Variants in KCNH1 observed in about 807,000 individuals in gnomAD.
KCNH1 encodes the protein voltage-gated delayed rectifier potassium channel KCNH1.
In KCNH1, 27 loss-of-function variants were observed where a neutral mutation model predicts 69.2. That is an observed-to-expected ratio of 0.39 (90% confidence interval 0.29 to 0.54). The LOEUF (loss-of-function observed/expected upper bound fraction) is 0.54. Ranked by LOEUF, KCNH1 falls within the 20% of genes least tolerant of loss-of-function variation. KCNH1 has a pLI of 0.68. For synonymous variants in KCNH1, 456 were observed against 487.7 expected, an observed-to-expected ratio of 0.93 and a Z score of 0.86; for missense variants, 798 against 1,261.6, an observed-to-expected ratio of 0.63 and a Z score of 5.57.
intron 9 of KCNH1, among the ~76,000 whole-genome samples, chr1:210,789,236 C>A (rs1201839197): frequency 6.6e-6 from 1 of 152,112 alleles, no homozygotes; most frequent in Non-Finnish European, 1.5e-5. Context: ...AGTGGGGTAC[C>A]CCCTCCTCTC....
At chr1:210,900,515 A>C (rs1040262313) in intron 7 of KCNH1, among the ~76,000 whole-genome samples, 1 of 152,226 alleles carries the variant, frequency 6.6e-6, no homozygotes, top group African/African-American at 2.4e-5. Context: ...GGTGTGAAGC[A>C]CTTGGGTATG....
At chr1:210,921,210 A>T (rs2102563429) in intron 6 of KCNH1, among the ~76,000 whole-genome samples, 1 of 152,248 alleles carries the variant, frequency 6.6e-6, no homozygotes, top group Middle Eastern at 3.4e-3. Context: ...AAAACCCCAA[A>T]CCTAAGGTGT....
chr1:211,129,382 T>C (rs1691838238), intron 1 of KCNH1, among the ~76,000 whole-genome samples: 1 of 152,218 alleles, frequency 6.6e-6, no homozygotes, highest in African/African-American at 2.4e-5. Context: ...AAGGATTCAG[T>C]TGACCCACAG....
intron 9 of KCNH1, among the ~76,000 whole-genome samples, chr1:210,779,370 T>C (rs1056468603): frequency 6.6e-6 from 1 of 152,190 alleles, no homozygotes. Flanking sequence ...TTCTGGCAAA[T>C]GCGAAATGTT....
intron 6 of KCNH1, among the ~76,000 whole-genome samples, chr1:210,941,968 C>T (rs1687884527): frequency 6.6e-6 from 1 of 152,174 alleles, no homozygotes; most frequent in South Asian, 2.1e-4. Flanking sequence ...GACTACTAAT[C>T]ATTCTAGACT....
At chr1:210,828,460 C>G (rs76450961) in intron 7 of KCNH1, among the ~76,000 whole-genome samples, 1 of 152,152 alleles carries the variant, frequency 6.6e-6, no homozygotes. Context: ...CCTCAGAACA[C>G]TTATTAGACA....
intron 10 of KCNH1, among the ~76,000 whole-genome samples, chr1:210,763,144 G>A (rs527372282): frequency 6.6e-6 from 1 of 152,072 alleles, no homozygotes; most frequent in Non-Finnish European, 1.5e-5. Flanking sequence ...CTCAATAGAT[G>A]CAGAAAAAGT....
At chr1:210,785,706 G>A (rs187565488) in intron 9 of KCNH1, among the ~76,000 whole-genome samples, 3 of 152,088 alleles carry the variant, frequency 2.0e-5, no homozygotes, top group Non-Finnish European at 2.9e-5. Context: ...ATGGTAAGGT[G>A]GTTTCAGCTG....
At chr1:210,797,842 G>C (rs975356153) in intron 8 of KCNH1, 82 bp from the exon 9 acceptor site, 4 of 1,495,546 alleles carry the variant, frequency 2.7e-6, no homozygotes, top group Admixed American at 1.9e-5. Flanking sequence ...AGGGGGAGGA[G>C]CAACATCCAC....
chr1:210,775,315 CT>C lies in KCNH1; in HGVS notation c.2112+32del, dbSNP rs1202660815. 4 of 1,592,422 alleles carry C rather than the reference CT, an allele frequency of 2.5e-6. No homozygotes were observed. The African/African-American group carries it at 5.4e-5, about 21-fold the overall frequency. On this transcript the variant is annotated intron_variant, in intron 10 of 10. Transcript: ENST00000271751. The stretch of plus-strand genomic sequence containing the variant: ...TTATCCAAAGTGTACAGAGACTGTT[CT>C]TTGTGGAAAATAACTGAAACTTTTA...
chr1:210,962,637 A>G (rs779091103), intron 6 of KCNH1, among the ~76,000 whole-genome samples: 6 of 151,920 alleles, frequency 3.9e-5, no homozygotes, highest in Non-Finnish European at 8.8e-5. Flanking sequence ...ATACCACCCA[A>G]TGGAATTTTA....
chr1:210,686,634 G>C (rs1024893178), intron 10 of KCNH1, among the ~76,000 whole-genome samples: 1 of 152,206 alleles, frequency 6.6e-6, no homozygotes, highest in Non-Finnish European at 1.5e-5. Context: ...GTACCCAAGA[G>C]AGATGATGGC....
chr1:211,125,642 A>T (rs1691763720), intron 1 of KCNH1, among the ~76,000 whole-genome samples: 1 of 152,228 alleles, frequency 6.6e-6, no homozygotes, highest in East Asian at 1.9e-4. Flanking sequence ...TGCTGACTCC[A>T]GCACTCTGAG....
At chr1:211,123,000 G>A (rs375314249) in intron 1 of KCNH1, among the ~76,000 whole-genome samples, 1 of 152,102 alleles carries the variant, frequency 6.6e-6, no homozygotes, top group African/African-American at 2.4e-5. Context: ...CTTGGACAGG[G>A]TATAGCACCA....
intron 6 of KCNH1, among the ~76,000 whole-genome samples, chr1:210,944,368 C>T (rs1687922241): frequency 6.6e-6 from 1 of 152,220 alleles, no homozygotes; most frequent in Non-Finnish European, 1.5e-5. Flanking sequence ...CAACACAGCC[C>T]TCCACTGCAA....
At chr1:210,911,395 T>C (rs1278098939) in intron 7 of KCNH1, among the ~76,000 whole-genome samples, 2 of 152,118 alleles carry the variant, frequency 1.3e-5, no homozygotes, top group Non-Finnish European at 2.9e-5. Context: ...CCTTCTTTTT[T>C]AAAAATATAA....
chr1:211,023,033 C>T (rs1456953245), intron 5 of KCNH1, among the ~76,000 whole-genome samples: 1 of 151,818 alleles, frequency 6.6e-6, no homozygotes, highest in Non-Finnish European at 1.5e-5. Flanking sequence ...AACACTTGAA[C>T]CCGGGAGGCA....
intron 9 of KCNH1, among the ~76,000 whole-genome samples, chr1:210,777,005 A>C (rs552746985): frequency 3.9e-5 from 6 of 152,328 alleles, no homozygotes; most frequent in African/African-American, 1.2e-4. Flanking sequence ...GCCAACGAGG[A>C]GTATGCAAGA....
At chr1:210,870,482 T>G (rs1197269258) in intron 7 of KCNH1, among the ~76,000 whole-genome samples, 2 of 152,196 alleles carry the variant, frequency 1.3e-5, no homozygotes, top group Non-Finnish European at 2.9e-5. Context: ...TTTCCCCTAC[T>G]GTGAGCAGTG....
Sources: allele counts gnomAD v4.1 joint callset (sites outside exome capture counted in the v4.1 genomes callset), GRCh38; gene constraint gnomAD v4.1.1; transcripts MANE v1.5; gene names NCBI Gene and HGNC (gene_info 2026-07-23, HGNC 2026-07-21).